Variants in PDE11A observed in about 807,000 individuals in gnomAD.
PDE11A encodes dual 3',5'-cyclic-AMP and -GMP phosphodiesterase 11A.
In PDE11A, 100 loss-of-function variants were observed where a neutral mutation model predicts 100.5. The ratio of observed to expected loss-of-function variants is 1.00; its 90% CI spans 0.85 to 1.18. The LOEUF (loss-of-function observed/expected upper bound fraction) is 1.18, where lower values mean the gene tolerates loss of function less well. Ranked by LOEUF, PDE11A falls within the 50% of genes most tolerant of loss-of-function variation. The probability of loss-of-function intolerance (pLI) is 0.00; values close to 1 mark genes in which losing one functional copy is unlikely to be tolerated. For missense variants in PDE11A, 1,141 were observed against 1,152.6 expected, an observed-to-expected ratio of 0.99 and a Z score of 0.15; for synonymous variants, 381 against 420.8, an observed-to-expected ratio of 0.91 and a Z score of 1.16.
chr2:178,044,578 T>C (rs1007171267), intron 1 of PDE11A, among the ~76,000 whole-genome samples: 4 of 151,760 alleles, frequency 2.6e-5, no homozygotes, highest in African/African-American at 9.7e-5. Flanking sequence ...TCTTGGGAGG[T>C]ATAACAAGCA....
intron 9 of PDE11A, among the ~76,000 whole-genome samples, chr2:177,816,119 G>A (rs1411348813): frequency 2.6e-5 from 4 of 152,040 alleles, no homozygotes; most frequent in African/African-American, 9.7e-5. Context: ...GCTGAGGCAG[G>A]AGAATTGCTT....
intron 19 of PDE11A, among the ~76,000 whole-genome samples, chr2:177,656,811 A>T (rs768941359): frequency 4.6e-5 from 7 of 152,238 alleles, no homozygotes; most frequent in Non-Finnish European, 1.0e-4. Flanking sequence ...TTCCAGGCAC[A>T]TATGAGAGCG....
At chr2:177,994,462 A>C (rs1475306875) in intron 2 of PDE11A, among the ~76,000 whole-genome samples, 2 of 152,234 alleles carry the variant, frequency 1.3e-5, no homozygotes, top group East Asian at 3.8e-4. Context: ...AAAAGCACAG[A>C]GTATTTTTCC....
At chr2:177,833,162 C>T (rs560481028) in intron 6 of PDE11A, among the ~76,000 whole-genome samples, 5 of 152,272 alleles carry the variant, frequency 3.3e-5, no homozygotes, top group East Asian at 1.9e-4. Context: ...ACACAGCCAG[C>T]CCCCACATTT....
At chr2:177,727,627 A>C in intron 12 of PDE11A, 31 bp downstream of exon 12, 1 of 1,233,400 alleles carries the variant, frequency 8.1e-7, no homozygotes, top group African/African-American at 1.5e-5. Context: ...CGAATGAGAA[A>C]TGATCTTCCA....
At chr2:177,945,590 C>G (rs1246898104) in intron 2 of PDE11A, among the ~76,000 whole-genome samples, 1 of 151,554 alleles carries the variant, frequency 6.6e-6, no homozygotes, top group Non-Finnish European at 1.5e-5. Flanking sequence ...TGGCAACCAC[C>G]CCGTCTGAAA....
chr2:177,686,086 C>A (rs1228830366), intron 15 of PDE11A, among the ~76,000 whole-genome samples: 2 of 152,182 alleles, frequency 1.3e-5, no homozygotes, highest in African/African-American at 4.8e-5. Flanking sequence ...GGAGCCTTTT[C>A]ATTGGGTATA....
At chr2:177,885,032 G>A (rs1464474241) in intron 4 of PDE11A, among the ~76,000 whole-genome samples, 1 of 152,040 alleles carries the variant, frequency 6.6e-6, no homozygotes, top group African/African-American at 2.4e-5. Flanking sequence ...GATGGACAGT[G>A]GGGTTAGGGG....
In PDE11A at chr2:177,676,958, TA is replaced by T. The variant is rs533461934; in HGVS notation, c.2424-1441del. ...CAGGATTCTGTGCCTATCACAAAGC[TA>T]CCAGATGCCCTCTTACTACACATGG... On this transcript the variant is annotated intron_variant, in intron 16 of 19. Coordinates refer to ENST00000286063, the MANE Select transcript of PDE11A (RefSeq NM_016953.4). 2.4e-4 allele frequency among the ~76,000 whole-genome samples: 36 copies of T among 152,314 alleles called. 2 individuals carry two copies. In the South Asian group the frequency reaches 7.0e-3, roughly 30 times the overall value.
Position 177,960,274 on chromosome 2 carries a change from T to C in PDE11A, c.1071+54028A>G, listed in dbSNP as rs553461173. On this transcript the variant is annotated intron_variant, in intron 2 of 19. Coordinates refer to ENST00000286063, the MANE Select transcript of PDE11A (RefSeq NM_016953.4). The stretch of plus-strand genomic sequence containing the variant: ...CGGGGGCCCAAAGTTCTCCTTTTCA[T>C]CCACCTAGAAGACAGAAGACAATTT... Among the ~76,000 whole-genome samples the C allele has an allele frequency of 5.3e-5, 8 of 152,258 alleles. No individual in the cohort carries two copies. In the South Asian group the frequency reaches 1.7e-3, roughly 32 times the overall value.
chr2:177,996,992 T>C (rs1365816046), intron 2 of PDE11A, among the ~76,000 whole-genome samples: 3 of 152,196 alleles, frequency 2.0e-5, no homozygotes, highest in African/African-American at 4.8e-5. Flanking sequence ...AGACGAAGCA[T>C]CCAAACATAT....
chr2:177,655,354 G>A (rs1044045515), intron 19 of PDE11A, among the ~76,000 whole-genome samples: 2 of 152,042 alleles, frequency 1.3e-5, no homozygotes, highest in African/African-American at 4.8e-5. Flanking sequence ...AGACTTTTTG[G>A]AGGTGAAAAA....
At chr2:177,748,323 A>T (rs114389333) in intron 10 of PDE11A, among the ~76,000 whole-genome samples, 1,606 of 152,306 alleles carry the variant, frequency 0.011, 32 homozygotes, top group African/African-American at 0.036. Context: ...TTTTGGACTC[A>T]TACAGGAGTC....
intron 2 of PDE11A, among the ~76,000 whole-genome samples, chr2:177,930,489 A>G (rs1009658018): frequency 5.3e-5 from 8 of 152,234 alleles, no homozygotes; most frequent in African/African-American, 1.9e-4. Context: ...CCCAGGGTAA[A>G]GGCAGAAGCA....
At chr2:177,697,997 A>G (rs1574055410) in intron 14 of PDE11A, among the ~76,000 whole-genome samples, 1 of 152,318 alleles carries the variant, frequency 6.6e-6, no homozygotes, top group South Asian at 2.1e-4. Context: ...TGCTACTGGC[A>G]TCTAGCAGTG....
At chr2:177,669,426 A>C in intron 18 of PDE11A, 67 bp downstream of exon 18, 1 of 791,558 alleles carries the variant, frequency 1.3e-6, no homozygotes, top group Middle Eastern at 2.2e-4. Context: ...CCAACTTGTA[A>C]TTTGGAGTTC....
intron 9 of PDE11A, among the ~76,000 whole-genome samples, chr2:177,774,990 G>C (rs2082359150): frequency 6.6e-6 from 1 of 152,138 alleles, no homozygotes; most frequent in African/African-American, 2.4e-5. Flanking sequence ...GAAAGAAGGA[G>C]ACAGGAGAAT....
rs547247469 is a variant in PDE11A at position 178,091,195 on chromosome 2, C to T, written c.162+13107G>A. Reference sequence around the variant, plus strand: ...AAGCAATTCTCCTGCCACAGCCTCCCGAGTTGCTGGGACTACAGGCACGTA... The same window carrying T: ...AAGCAATTCTCCTGCCACAGCCTCCTGAGTTGCTGGGACTACAGGCACGTA... On this transcript the variant is annotated intron_variant, in intron 2 of 20. Transcript: ENST00000358450. Among the ~76,000 whole-genome samples the T allele has an allele frequency of 2.9e-3, 436 of 152,228 alleles. 3 individuals are homozygous for T. The highest frequency in any genetic ancestry group is 4.5e-3 in the Non-Finnish European group (303 of 68,014).
chr2:177,705,209 C>T (rs2081261010), intron 13 of PDE11A, among the ~76,000 whole-genome samples: 1 of 132,422 alleles, frequency 7.6e-6, no homozygotes. Flanking sequence ...AGGTATGCTT[C>T]TACTTTCTCA....
Sources: gnomAD v4.1 joint callset for allele counts (sites outside exome capture counted in the v4.1 genomes callset) on GRCh38, gnomAD v4.1.1 for gene constraint, MANE v1.5 for transcripts, NCBI Gene and HGNC (gene_info 2026-07-23, HGNC 2026-07-21) for gene names.